Variants in GREP1 observed in about 807,000 individuals in gnomAD.
GREP1 encodes the protein glycine-rich extracellular protein 1.
Position 2,998,312 on chromosome 16 carries a change from G to C in GREP1, c.950-44G>C, listed in dbSNP as rs905643101. 3 of 399,082 alleles carry C rather than the reference G, an allele frequency of 7.5e-6. No individual in the cohort carries two copies. The Admixed American group carries it at 1.3e-4, about 18-fold the overall frequency. 24.7% of individuals were successfully genotyped at this position (399,082 alleles called of 1,614,324 possible). On this transcript the variant is annotated intron_variant, in intron 23 of 34. Coordinates refer to ENST00000573315, the Ensembl canonical transcript of GREP1. ...GAGAGAGGGGTTCACTACACTCCTCGGGTGGGCTGATGTCTGAACTGGCCT... is the reference window on the plus strand; with the variant it reads ...GAGAGAGGGGTTCACTACACTCCTCCGGTGGGCTGATGTCTGAACTGGCCT...
At chr16:3,000,447 G>A (rs979917028) in exon 31 of GREP1, 7 of 399,124 alleles carry the variant, frequency 1.8e-5, no homozygotes, top group East Asian at 7.1e-5. Context: ...GGTTCCATGG[G>A]GCCAATGGTT....
Position 2,991,253 on chromosome 16 carries a change from C to G in GREP1, c.322+152C>G. ...GTCCCTTCCCAGGCCTGGGAGTGGGCGTGAAACCTCCGAAGCCAGGTGAGG... is the reference window on the plus strand; with the variant it reads ...GTCCCTTCCCAGGCCTGGGAGTGGGGGTGAAACCTCCGAAGCCAGGTGAGG... On this transcript the variant is annotated intron_variant, in intron 8 of 34. Transcript: ENST00000573315. The surrounding 1 kb of genome is among the most constrained non-coding windows in gnomAD (Gnocchi z 4.9). 2 of 395,840 alleles carry G rather than the reference C, an allele frequency of 5.1e-6. No individual in the cohort carries two copies. The highest frequency in any genetic ancestry group is 8.9e-6 in the Non-Finnish European group (2 of 224,804). 24.5% of individuals were successfully genotyped at this position (395,840 alleles called of 1,614,324 possible).
chr16:2,999,757 C>T, intron 27 of GREP1, 145 bp from the exon 25 acceptor site: 1 of 397,218 alleles, frequency 2.5e-6, no homozygotes, highest in Non-Finnish European at 4.4e-6. Context: ...CAGTCTCTTG[C>T]TGCTCTCCAG....
At chr16:3,001,533 TC>T (rs2072462222) in intron 34 of GREP1, 27 bp from the exon 29 acceptor site, 1 of 399,012 alleles carries the variant, frequency 2.5e-6, no homozygotes, top group Non-Finnish European at 4.4e-6. Flanking sequence ...GCCCCGCCCC[TC>T]CCTAGCCCAG....
chr16:2,993,280 G>A (rs2072407912), intron 10 of GREP1: 1 of 224,854 alleles, frequency 4.4e-6, no homozygotes, highest in African/African-American at 2.3e-5. Flanking sequence ...GGGGACTAAA[G>A]GCTCAGAGAG....
chr16:3,000,623 G>C, intron 32 of GREP1, 91 bp from the exon 27 acceptor site: 1 of 398,938 alleles, frequency 2.5e-6, no homozygotes. Context: ...GGTAAGAAAT[G>C]AGCCTTCTGG....
Position 2,991,047 on chromosome 16 carries a change from G to C in GREP1, c.269-1G>C. ...ATGTCCCTCTGGCTCTGTCTCCCCAGGATATGGAAACGGGCTGGGAGCAGC... is the reference window on the plus strand; with the variant it reads ...ATGTCCCTCTGGCTCTGTCTCCCCACGATATGGAAACGGGCTGGGAGCAGC... On this transcript the variant is annotated splice_acceptor_variant, in intron 7 of 34. Coordinates refer to ENST00000573315, the Ensembl canonical transcript of GREP1. LOFTEE classifies it high-confidence loss of function. This position sits in a 1 kb window ranked among gnomAD's most constrained non-coding sequence, Gnocchi z 4.9. 1 of 399,260 alleles carries C rather than the reference G, an allele frequency of 2.5e-6. No homozygotes were observed. Among genetic ancestry groups the C allele is most frequent in the Non-Finnish European group, 4.4e-6 (1 of 226,226 alleles). The allele number at this position is 399,260 out of a possible 1,614,324, so 24.7% of individuals were successfully genotyped here. A position where few individuals can be genotyped will look rare whatever the true frequency, so the allele number is the denominator to read the frequency against.
At chr16:2,998,820 C>A (rs372148226) in intron 25 of GREP1, 28 bp from the exon 24 acceptor site, 1 of 399,120 alleles carries the variant, frequency 2.5e-6, no homozygotes. Flanking sequence ...GGAGCATAGC[C>A]CCACCCCTCC....
intron 23 of GREP1, 124 bp from the exon 22 acceptor site, chr16:2,998,232 G>C: frequency 5.0e-6 from 2 of 398,092 alleles, no homozygotes; most frequent in Admixed American, 4.4e-5. Flanking sequence ...ACACACCAGG[G>C]ACCTGGCTGG....
chr16:2,991,128 C>A lies in GREP1; in HGVS notation c.322+27C>A, dbSNP rs1242541913. ...TGAGGAAACGTCGGGTGTGGCAGGA[C>A]CTGGGCTTCCAGGAGGGAGGGGGAA... On this transcript the variant is annotated intron_variant, in intron 8 of 34. Coordinates refer to ENST00000573315, the Ensembl canonical transcript of GREP1. The surrounding 1 kb of genome is among the most constrained non-coding windows in gnomAD (Gnocchi z 4.9). 1 of 399,084 alleles carries A rather than the reference C, an allele frequency of 2.5e-6. No homozygotes were observed. Among genetic ancestry groups the A allele is most frequent in the Non-Finnish European group, 4.4e-6 (1 of 226,288 alleles). 24.7% of individuals were successfully genotyped at this position (399,084 alleles called of 1,614,324 possible).
intron 13 of GREP1, 123 bp from the exon 15 acceptor site, chr16:2,995,161 C>T (rs1031042478): frequency 2.6e-6 from 1 of 388,396 alleles, no homozygotes; most frequent in African/African-American, 2.3e-5. Flanking sequence ...CCCCCCACCT[C>T]AGAATGGCCC....
chr16:2,995,702 CCT>C, intron 16 of GREP1, 35 bp from the exon 17 acceptor site: 1 of 398,682 alleles, frequency 2.5e-6, no homozygotes, highest in Non-Finnish European at 4.4e-6. Context: ...GGGTGGGGCC[CCT>C]GAGTCACTCA....
At position 2,992,314 on chromosome 16, in the gene GREP1, T is replaced by A. The variant is rs73484360; in HGVS notation, c.323-491T>A. On this transcript the variant is annotated intron_variant, in intron 8 of 34. Coordinates refer to ENST00000573315, the Ensembl canonical transcript of GREP1. This position sits in a 1 kb window ranked among gnomAD's most constrained non-coding sequence, Gnocchi z 4.9. ...CGTGAGCCCCTGCTCTCCTCTCCCC[T>A]ATCTTGACTGTTTCCCCTGCATCTA... is the stretch of plus-strand genomic sequence containing the variant. The A allele has an allele frequency of 1.3e-5, 2 of 152,902 alleles. No homozygotes were observed. Among genetic ancestry groups the A allele is most frequent in the African/African-American group, 4.8e-5 (2 of 41,440 alleles). The allele number at this position is 152,902 out of a possible 1,614,324, so 9.5% of individuals were successfully genotyped here. A position where few individuals can be genotyped will look rare whatever the true frequency, so the allele number is the denominator to read the frequency against.
At position 2,992,093 on chromosome 16, in the gene GREP1, C is replaced by G. The variant is rs2072402161; in HGVS notation, c.323-712C>G. On this transcript the variant is annotated intron_variant, in intron 8 of 34. Transcript: ENST00000573315. This position sits in a 1 kb window ranked among gnomAD's most constrained non-coding sequence, Gnocchi z 4.9. ...CATCCGGCCCTGCCTCTGCTTCCTC[C>G]TTCTACTCGGTCTCCCAAGATCTGG... 1 of 152,662 alleles carries G rather than the reference C, an allele frequency of 6.6e-6. No individual in the cohort carries two copies. The highest frequency in any genetic ancestry group is 1.5e-5 in the Non-Finnish European group (1 of 68,356). The allele number at this position is 152,662 out of a possible 1,614,324, so 9.5% of individuals were successfully genotyped here.
chr16:2,999,505 G>A (rs1386122736), intron 27 of GREP1, among the ~76,000 whole-genome samples: 1 of 45,372 alleles, frequency 2.2e-5, no homozygotes, highest in Non-Finnish European at 4.3e-5. Flanking sequence ...TTTTTTTTTT[G>A]AGACAGTCTC....
chr16:3,001,748 G>A (rs1260073323), exon 35 of GREP1: 1 of 397,816 alleles, frequency 2.5e-6, no homozygotes, highest in Non-Finnish European at 4.4e-6. Flanking sequence ...GGTGGGAGTG[G>A]CATGGGCCTG....
At chr16:3,000,597 A>G (rs1383557519) in exon 32 of GREP1, 2 of 398,816 alleles carry the variant, frequency 5.0e-6, no homozygotes, top group African/African-American at 2.1e-5. Flanking sequence ...CAGCAGCTCT[A>G]GCCCCTGAAG....
chr16:2,998,264 C>T (rs1221795791), intron 23 of GREP1, 92 bp from the exon 22 acceptor site: 8 of 398,382 alleles, frequency 2.0e-5, no homozygotes, highest in Admixed American at 8.8e-5. Flanking sequence ...GGTGAAAAGA[C>T]GGGGCTAGGG....
At chr16:2,999,611 C>G (rs1275163225) in intron 27 of GREP1, among the ~76,000 whole-genome samples, 1 of 151,718 alleles carries the variant, frequency 6.6e-6, no homozygotes, top group Non-Finnish European at 1.5e-5. Context: ...CACCACCATA[C>G]CTGGCTAATC....
Sources: gnomAD v4.1 joint callset for allele counts (sites outside exome capture counted in the v4.1 genomes callset) on GRCh38, gnomAD v4.1.1 for gene constraint, Gnocchi (gnomAD v3.1) non-coding constraint, MANE v1.5 for transcripts, NCBI Gene and HGNC (gene_info 2026-07-23, HGNC 2026-07-21) for gene names.